The following ANO2 variants were observed in gnomAD, a reference collection of about 807,000 sequenced individuals.
ANO2 encodes anoctamin 2, also known as anoctamin-2.
Under a neutral mutation model 124.2 loss-of-function variants are expected in ANO2, and 101 were observed. The ratio of observed to expected loss-of-function variants is 0.81; its 90% confidence interval spans 0.69 to 0.96. The LOEUF is 0.96. ANO2 is among the 40% of genes least tolerant of loss of function. ANO2 has a pLI of 0.00. For missense variants in ANO2, 1,293 were observed against 1,274.5 expected, an observed-to-expected ratio of 1.01 and a Z score of -0.22; for synonymous variants, 486 against 482.5, an observed-to-expected ratio of 1.01 and a Z score of -0.09.
chr12:5,709,917 G>GA (rs1949748894), intron 14 of ANO2, among the ~76,000 whole-genome samples: 1 of 152,172 alleles, frequency 6.6e-6, no homozygotes, highest in Non-Finnish European at 1.5e-5. Context: ...GTGGGAAATA[G>GA]AAAAAATACA....
chr12:5,930,292 G>A (rs999959940), intron 1 of ANO2, among the ~76,000 whole-genome samples: 61 of 152,264 alleles, frequency 4.0e-4, no homozygotes, highest in Middle Eastern at 3.4e-3. Flanking sequence ...TGCAATGAAC[G>A]AACAGAGATG....
chr12:5,819,638 T>C (rs1269494144), intron 7 of ANO2, among the ~76,000 whole-genome samples: 1 of 152,202 alleles, frequency 6.6e-6, no homozygotes. Context: ...GATTAGTCAC[T>C]TTAGACCTAC....
intron 3 of ANO2, among the ~76,000 whole-genome samples, chr12:5,917,363 A>G (rs1214052191): frequency 3.4e-4 from 1 of 2,928 alleles, no homozygotes; most frequent in Non-Finnish European, 0.5. Context: ...ACATGCTAAG[A>G]AAAAAAAAAG....
At chr12:5,798,371 G>C (rs778684618) in intron 10 of ANO2, among the ~76,000 whole-genome samples, 1 of 152,102 alleles carries the variant, frequency 6.6e-6, no homozygotes, top group Non-Finnish European at 1.5e-5. Flanking sequence ...TCCGCTGGGA[G>C]GGCCGCTGCA....
At position 5,854,107 on chromosome 12, in the gene ANO2, T is replaced by C. The variant is rs751548303; in HGVS notation, c.569A>G (p.His190Arg). ...TCTGGCCAGCACCTGCCACGGGGCG[T>C]GTATCCGGACAAAGATGGATCCCTG... ...KSQGSIFVRI[H>R]APWQVLAREA... The change falls in exon 4 of 25, where the codon CAC becomes CGC. Residue 190 changes from histidine (H) to arginine (R), a missense_variant. By Grantham distance (29) the His-to-Arg change is conservative. Coordinates refer to ENST00000682330, the MANE Select transcript of ANO2 (RefSeq NM_001364791.2). The C allele has an allele frequency of 4.3e-6, 7 of 1,613,376 alleles. No individual in the cohort carries two copies. The Admixed American group carries it at 8.3e-5, about 19-fold the overall frequency.
intron 14 of ANO2, among the ~76,000 whole-genome samples, chr12:5,685,526 T>G (rs540846075): frequency 1.3e-5 from 2 of 152,202 alleles, no homozygotes. Context: ...GGCTCAGGCC[T>G]ATAATCCCAA....
At chr12:5,770,800 G>A (rs1360947156) in intron 10 of ANO2, among the ~76,000 whole-genome samples, 4 of 152,022 alleles carry the variant, frequency 2.6e-5, no homozygotes, top group Non-Finnish European at 5.9e-5. Context: ...GTTGCATCTG[G>A]CCCCTCTTTG....
At chr12:5,896,656 AT>A (rs1165409711) in intron 3 of ANO2, among the ~76,000 whole-genome samples, 1 of 152,200 alleles carries the variant, frequency 6.6e-6, no homozygotes. Flanking sequence ...TAGGAAATAA[AT>A]TTACAGAAAT....
intron 14 of ANO2, among the ~76,000 whole-genome samples, chr12:5,682,772 T>A (rs1948553510): frequency 1.3e-5 from 2 of 152,084 alleles, no homozygotes; most frequent in South Asian, 4.2e-4. Flanking sequence ...CCAACTAAAG[T>A]GAGAAATGAA....
chr12:5,829,098 G>A (rs963724747), intron 6 of ANO2, among the ~76,000 whole-genome samples: 1 of 152,182 alleles, frequency 6.6e-6, no homozygotes, highest in Non-Finnish European at 1.5e-5. Context: ...AGCCTAAAGG[G>A]AGTGGTAAAT....
At chr12:5,669,751 C>T (rs1217395134) in intron 14 of ANO2, among the ~76,000 whole-genome samples, 2 of 152,116 alleles carry the variant, frequency 1.3e-5, no homozygotes, top group Non-Finnish European at 2.9e-5. Context: ...TCCATGCACC[C>T]TCAGTACTTG....
chr12:5,914,733 T>C (rs1445710442), intron 3 of ANO2, among the ~76,000 whole-genome samples: 1 of 152,190 alleles, frequency 6.6e-6, no homozygotes, highest in African/African-American at 2.4e-5. Flanking sequence ...CCCACAAGGA[T>C]GAAGCTTGGG....
intron 14 of ANO2, among the ~76,000 whole-genome samples, chr12:5,727,464 C>T (rs1256194778): frequency 6.9e-6 from 1 of 144,462 alleles, no homozygotes; most frequent in East Asian, 2.0e-4. Context: ...TATAGCAATG[C>T]AAGAATGGCC....
At chr12:5,796,682 C>T (rs1012166365) in intron 10 of ANO2, among the ~76,000 whole-genome samples, 4 of 152,194 alleles carry the variant, frequency 2.6e-5, no homozygotes, top group Admixed American at 6.5e-5. Context: ...CTGCTGGGCA[C>T]GAACGACACT....
chr12:5,650,050 T>C (rs944128013), intron 14 of ANO2, among the ~76,000 whole-genome samples: 2 of 152,040 alleles, frequency 1.3e-5, no homozygotes, highest in African/African-American at 2.4e-5. Flanking sequence ...TGAAGAGAAA[T>C]TTGAGGGGCC....
intron 3 of ANO2, among the ~76,000 whole-genome samples, chr12:5,906,794 AAAATAAAT>A (rs551277367): frequency 9.9e-5 from 15 of 151,336 alleles, no homozygotes; most frequent in Admixed American, 3.9e-4. Flanking sequence ...ACTCTGTCTC[AAAATAAAT>A]AAATAAATAA....
At chr12:5,681,310 G>A (rs999497597) in intron 14 of ANO2, among the ~76,000 whole-genome samples, 1 of 152,216 alleles carries the variant, frequency 6.6e-6, no homozygotes, top group Non-Finnish European at 1.5e-5. Flanking sequence ...TTGGTGAAAT[G>A]TAAGGTTGGT....
chr12:5,730,073 T>A (rs999242173), intron 14 of ANO2, among the ~76,000 whole-genome samples: 4 of 151,980 alleles, frequency 2.6e-5, no homozygotes, highest in African/African-American at 9.7e-5. Context: ...ATTGCACACA[T>A]CTGTGAATAA....
At chr12:5,739,145 G>A (rs1270524771) in intron 13 of ANO2, 172 bp downstream of exon 13, 3 of 713,838 alleles carry the variant, frequency 4.2e-6, no homozygotes, top group Non-Finnish European at 7.6e-6. Flanking sequence ...TGGCCTCAGA[G>A]TAGGTCAACC....
Sources: gnomAD v4.1 joint callset for allele counts (sites outside exome capture counted in the v4.1 genomes callset) on GRCh38, gnomAD v4.1.1 for gene constraint, MANE v1.5 for transcripts, NCBI Gene and HGNC (gene_info 2026-07-23, HGNC 2026-07-21) for gene names.